ARHGEF3: variants seen among roughly 807,000 people sequenced by gnomAD.
The protein encoded by ARHGEF3 is 59.8 kDA protein.
Under a neutral mutation model 63.2 loss-of-function variants are expected in ARHGEF3, and 28 were observed. The observed-to-expected ratio is 0.44, with a 90% CI of 0.33 to 0.61. The LOEUF (loss-of-function observed/expected upper bound fraction) is 0.61, where lower values mean the gene tolerates loss of function less well. Ranked by LOEUF, ARHGEF3 falls within the 20% of genes least tolerant of loss-of-function variation. The probability of loss-of-function intolerance (pLI) is 0.03; values close to 1 mark genes in which losing one functional copy is unlikely to be tolerated. For missense variants in ARHGEF3, 533 were observed against 659.3 expected, an observed-to-expected ratio of 0.81 and a Z score of 2.10; for synonymous variants, 266 against 254.2, an observed-to-expected ratio of 1.05 and a Z score of -0.44.
chr3:56,810,607 A>G (rs2038028447), intron 4 of ARHGEF3, among the ~76,000 whole-genome samples: 2 of 152,236 alleles, frequency 1.3e-5, no homozygotes, highest in Admixed American at 6.5e-5. Flanking sequence ...TGGCAATTCA[A>G]GAGAAGTTAA....
chr3:56,810,691 T>C (rs1045075850), intron 4 of ARHGEF3, among the ~76,000 whole-genome samples: 32 of 152,212 alleles, frequency 2.1e-4, no homozygotes, highest in African/African-American at 7.7e-4. Flanking sequence ...TGAAAACCCA[T>C]ACATTTATAG....
intron 2 of ARHGEF3, among the ~76,000 whole-genome samples, chr3:57,024,530 CAGGCTGG>C (rs1703391851): frequency 6.6e-6 from 1 of 152,116 alleles, no homozygotes; most frequent in Non-Finnish European, 1.5e-5. Flanking sequence ...CTCTGTCGCC[CAGGCTGG>C]AGTGCAGTGG....
intron 2 of ARHGEF3, among the ~76,000 whole-genome samples, chr3:56,996,890 A>AT (rs534187681): frequency 0.13 from 18,039 of 136,236 alleles, 1,588 homozygotes; most frequent in Admixed American, 0.19. Flanking sequence ...TATTATTATT[A>AT]TTTTTTTTTT....
rs1356840879 is a variant in ARHGEF3, at chr3:57,042,679, TATATATATATATATA to T, written c.-27-7518_-27-7504del. On this transcript the variant is annotated intron_variant, in intron 1 of 12. Transcript: ENST00000338458. ...ATATATATATATATATATATATATA[TATATATATATATATA>T]TATATATTTTTTTTTTTTTTTAGAC... Among the ~76,000 whole-genome samples, 94 of 46,902 alleles carry T rather than the reference TATATATATATATATA, an allele frequency of 2.0e-3. 11 individuals are homozygous for T. The highest frequency in any genetic ancestry group is 7.8e-3 in the East Asian group (10 of 1,278). 30.8% of individuals were successfully genotyped at this position (46,902 alleles called of 152,430 possible).
rs527800870 is a variant in ARHGEF3 at position 56,916,070 on chromosome 3, A to G, written c.130-33716T>C. Among the ~76,000 whole-genome samples, 209 of 152,258 alleles carry G rather than the reference A, an allele frequency of 1.4e-3. 1 individual carries two copies. Among genetic ancestry groups the G allele is most frequent in the Admixed American group, 2.8e-3 (43 of 15,296 alleles). The stretch of plus-strand genomic sequence containing the variant: ...CGCCACTCAGCTCACCCTCGCAACC[A>G]AGCAAAGCCATCTGCGGTCTTAAAC... On this transcript the variant is annotated intron_variant, in intron 3 of 12. Coordinates refer to the ARHGEF3 transcript ENST00000338458.
chr3:57,062,727 A>T (rs1033219330), intron 1 of ARHGEF3, among the ~76,000 whole-genome samples: 2 of 152,150 alleles, frequency 1.3e-5, no homozygotes, highest in African/African-American at 4.8e-5. Context: ...CACAACAAAC[A>T]TGCACACACA....
intron 2 of ARHGEF3, among the ~76,000 whole-genome samples, chr3:56,757,726 T>G (rs1222027845): frequency 6.8e-6 from 1 of 146,962 alleles, no homozygotes; most frequent in Non-Finnish European, 1.5e-5. Flanking sequence ...ATTTTTAGCC[T>G]TTTTTTTTTG....
intron 2 of ARHGEF3, among the ~76,000 whole-genome samples, chr3:57,006,232 C>T (rs894657700): frequency 6.6e-6 from 1 of 152,162 alleles, no homozygotes; most frequent in African/African-American, 2.4e-5. Context: ...ATTAAAGTAA[C>T]GTGAGAGCAA....
At chr3:56,855,146 G>A (rs2039823726) in intron 4 of ARHGEF3, among the ~76,000 whole-genome samples, 1 of 152,078 alleles carries the variant, frequency 6.6e-6, no homozygotes, top group South Asian at 2.1e-4. Flanking sequence ...GAGGTGGGTG[G>A]AGAGGAGGGA....
chr3:56,775,472 A>C, intron 1 of ARHGEF3: 1 of 1,001,178 alleles, frequency 1.0e-6, no homozygotes, highest in Middle Eastern at 5.1e-4. Flanking sequence ...TCCAAGACGG[A>C]GAATGCAACC....
chr3:56,921,054 C>CAAAAA (rs34087284), intron 3 of ARHGEF3, among the ~76,000 whole-genome samples: 7 of 60,670 alleles, frequency 1.2e-4, no homozygotes, highest in Admixed American at 2.0e-4. Context: ...GACTCCATCT[C>CAAAAA]AAAAAAAAAA....
chr3:56,732,824 T>C (rs1319838666), intron 8 of ARHGEF3, among the ~76,000 whole-genome samples: 1 of 152,236 alleles, frequency 6.6e-6, no homozygotes, highest in African/African-American at 2.4e-5. Context: ...TAGCACTCTC[T>C]TGACTTTAGT....
rs539985375 is a variant in ARHGEF3, at chr3:56,739,637, C to T, written c.871-2282G>A. Among the ~76,000 whole-genome samples the T allele has an allele frequency of 1.8e-4, 28 of 152,106 alleles. 1 individual carries two copies. The South Asian group carries it at 2.5e-3, about 14-fold the overall frequency. ...CTGGTCTCTGACTCCTAGACTCAAG[C>T]GATCTGCCTGCCTCGGCCTCCCAAA... is the stretch of plus-strand genomic sequence containing the variant. On this transcript the variant is annotated intron_variant, in intron 7 of 9. Transcript: ENST00000296315.
intron 4 of ARHGEF3, among the ~76,000 whole-genome samples, chr3:56,831,602 G>T (rs182859558): frequency 1.8e-4 from 27 of 151,976 alleles, no homozygotes; most frequent in Non-Finnish European, 3.4e-4. Flanking sequence ...CAGACAGTGG[G>T]CCATTCTTGG....
intron 3 of ARHGEF3, among the ~76,000 whole-genome samples, chr3:56,939,582 C>T (rs939800123): frequency 3.3e-5 from 5 of 152,090 alleles, no homozygotes; most frequent in African/African-American, 1.2e-4. Flanking sequence ...TTTCTAGGAC[C>T]TGCTATTATT....
At chr3:56,758,244 G>A (rs1010843364) in intron 2 of ARHGEF3, among the ~76,000 whole-genome samples, 3 of 150,744 alleles carry the variant, frequency 2.0e-5, no homozygotes, top group African/African-American at 7.3e-5. Flanking sequence ...TTGCGCCACT[G>A]TACTCCAGCC....
chr3:56,832,728 T>C (rs2038971416), intron 4 of ARHGEF3, among the ~76,000 whole-genome samples: 1 of 152,202 alleles, frequency 6.6e-6, no homozygotes, highest in Non-Finnish European at 1.5e-5. Context: ...TTCCAGAACA[T>C]CTCAGTTATC....
In ARHGEF3 at chr3:56,795,475, T is replaced by C. The variant is rs746771897; in HGVS notation, c.96+6228A>G. ...GTGAACTTACCGTTAAGGTTTCTCA[T>C]TCAGCTTCAATTAACTGAAATTTAC... On this transcript the variant is annotated intron_variant, in intron 1 of 9. Coordinates refer to ENST00000296315, the MANE Select transcript of ARHGEF3 (RefSeq NM_019555.3). Among the ~76,000 whole-genome samples, 12 of 152,200 alleles carry C rather than the reference T, an allele frequency of 7.9e-5. No individual in the cohort carries two copies. In the East Asian group the frequency reaches 2.1e-3, roughly 27 times the overall value.
At chr3:56,756,503 A>T (rs998231470) in intron 2 of ARHGEF3, among the ~76,000 whole-genome samples, 28 of 147,868 alleles carry the variant, frequency 1.9e-4, no homozygotes, top group Middle Eastern at 3.6e-3. Context: ...CCTTCAAACA[A>T]TCTTCTCTTC....
Sources: gnomAD v4.1 joint callset for allele counts (sites outside exome capture counted in the v4.1 genomes callset) on GRCh38, gnomAD v4.1.1 for gene constraint, MANE v1.5 for transcripts, NCBI Gene and HGNC (gene_info 2026-07-23, HGNC 2026-07-21) for gene names.